MACROD2: variants seen among roughly 807,000 people sequenced by gnomAD.
MACROD2 encodes ADP-ribose glycohydrolase MACROD2.
In MACROD2, 36 loss-of-function variants were observed where a neutral mutation model predicts 70.4. The observed-to-expected ratio is 0.51, with a 90% CI of 0.39 to 0.68. The LOEUF (loss-of-function observed/expected upper bound fraction) is 0.68, where lower values mean the gene tolerates loss of function less well. MACROD2 is among the 30% of genes least tolerant of loss of function. The pLI is 0.00. For missense variants in MACROD2, 496 were observed against 538.4 expected (o/e 0.92, Z 0.78); for synonymous variants, 172 against 178.8 (o/e 0.96, Z 0.30).
At chr20:14,574,679 CAT>C (rs1392677531) in intron 4 of MACROD2, among the ~76,000 whole-genome samples, 3 of 150,890 alleles carry the variant, frequency 2.0e-5, no homozygotes, top group Non-Finnish European at 4.4e-5. Context: ...TATTATAAAA[CAT>C]ATGCAAAAAC....
chr20:15,387,927 T>TA (rs2045741462), intron 6 of MACROD2, among the ~76,000 whole-genome samples: 1 of 151,576 alleles, frequency 6.6e-6, no homozygotes, highest in African/African-American at 2.4e-5. Flanking sequence ...TTATTTATTT[T>TA]TTTTGTAGAG....
At chr20:14,626,708 G>A (rs1035597503) in intron 4 of MACROD2, among the ~76,000 whole-genome samples, 9 of 152,082 alleles carry the variant, frequency 5.9e-5, no homozygotes, top group South Asian at 2.1e-4. Flanking sequence ...CAAGGGTAAC[G>A]TATCCTCAGG....
chr20:14,722,784 CAAAAAG>C (rs2071485221), intron 5 of MACROD2, among the ~76,000 whole-genome samples: 1 of 152,036 alleles, frequency 6.6e-6, no homozygotes. Flanking sequence ...AAAACAAAAA[CAAAAAG>C]GTATTGTCTC....
intron 2 of MACROD2, among the ~76,000 whole-genome samples, chr20:14,003,922 T>C (rs1445371867): frequency 6.6e-6 from 1 of 152,152 alleles, no homozygotes; most frequent in Non-Finnish European, 1.5e-5. Flanking sequence ...CATGTTTGAG[T>C]CTCAGTAATT....
intron 5 of MACROD2, among the ~76,000 whole-genome samples, chr20:14,766,348 C>T (rs572403249): frequency 3.3e-5 from 5 of 152,066 alleles, no homozygotes; most frequent in Non-Finnish European, 7.3e-5. Context: ...TGCTCTGGCA[C>T]ACGGTTTTGA....
In MACROD2 at chr20:15,016,746, G is replaced by A. The variant is rs778187690; in HGVS notation, c.419-213194G>A. On this transcript the variant is annotated intron_variant, in intron 5 of 17. Transcript: ENST00000684519. ...CTGGGGAGGCCTCAGAATAATGGTG[G>A]GAGGCAAAACGCTTGTCTTACATGG... is the stretch of plus-strand genomic sequence containing the variant. Among the ~76,000 whole-genome samples the A allele has an allele frequency of 4.9e-4, 74 of 152,070 alleles. 1 individual carries two copies. Among genetic ancestry groups the A allele is most frequent in the Middle Eastern group, 3.2e-3 (1 of 314 alleles).
chr20:14,220,838 C>A (rs2081666616), intron 3 of MACROD2, among the ~76,000 whole-genome samples: 1 of 152,188 alleles, frequency 6.6e-6, no homozygotes. Flanking sequence ...TCTCCCTCTC[C>A]CACTTCCGCA....
intron 3 of MACROD2, among the ~76,000 whole-genome samples, chr20:14,390,741 C>G (rs1208027732): frequency 6.6e-6 from 1 of 152,080 alleles, no homozygotes; most frequent in Non-Finnish European, 1.5e-5. Flanking sequence ...AAAATTAACT[C>G]AAGAATGGAT....
intron 5 of MACROD2, among the ~76,000 whole-genome samples, chr20:14,700,045 A>T (rs1310839768): frequency 2.6e-5 from 4 of 151,728 alleles, no homozygotes; most frequent in African/African-American, 9.7e-5. Context: ...TTTAAAGTTT[A>T]AATCTAGAAG....
intron 3 of MACROD2, among the ~76,000 whole-genome samples, chr20:14,470,639 G>A (rs552051812): frequency 5.9e-5 from 9 of 152,268 alleles, no homozygotes; most frequent in South Asian, 2.1e-4. Flanking sequence ...GAGGAATCTA[G>A]AGAGGCAGTC....
chr20:15,674,988 T>G (rs1340692128), intron 8 of MACROD2, among the ~76,000 whole-genome samples: 1 of 152,154 alleles, frequency 6.6e-6, no homozygotes, highest in Non-Finnish European at 1.5e-5. Context: ...AAATGCAGGC[T>G]TATGCTGTTT....
intron 3 of MACROD2, among the ~76,000 whole-genome samples, chr20:14,152,353 C>G (rs188003743): frequency 6.6e-6 from 1 of 152,042 alleles, no homozygotes; most frequent in East Asian, 1.9e-4. Context: ...TTCTCTAGTG[C>G]TTTGAATAAA....
At chr20:15,458,300 C>T (rs774011859) in intron 7 of MACROD2, among the ~76,000 whole-genome samples, 34 of 152,204 alleles carry the variant, frequency 2.2e-4, no homozygotes, top group Admixed American at 1.1e-3. Context: ...TGGACTCCAC[C>T]TTTTTCTCCA....
At chr20:15,902,628 C>T (rs535943254) in intron 10 of MACROD2, among the ~76,000 whole-genome samples, 1 of 152,036 alleles carries the variant, frequency 6.6e-6, no homozygotes, top group Non-Finnish European at 1.5e-5. Context: ...TGCGCCCTCT[C>T]GGATCACTTG....
At chr20:14,060,469 A>C (rs2053679423) in intron 2 of MACROD2, among the ~76,000 whole-genome samples, 1 of 152,148 alleles carries the variant, frequency 6.6e-6, no homozygotes, top group Non-Finnish European at 1.5e-5. Context: ...CATAGGGGAC[A>C]CCTAGGTTTC....
intron 12 of MACROD2, 84 bp from the exon 13 acceptor site, chr20:15,967,469 C>A: frequency 9.1e-7 from 1 of 1,098,572 alleles, no homozygotes; most frequent in Non-Finnish European, 1.3e-6. Context: ...TTTCCTCAAA[C>A]ATAAATCTAT....
chr20:15,228,106 A>G (rs6110555), intron 5 of MACROD2, among the ~76,000 whole-genome samples: 17,559 of 152,104 alleles, frequency 0.12, 1,331 homozygotes, highest in African/African-American at 0.21. Context: ...AATATTTACT[A>G]TGGTACAGGA....
chr20:15,617,271 A>G (rs1410340743), intron 8 of MACROD2, among the ~76,000 whole-genome samples: 1 of 152,224 alleles, frequency 6.6e-6, no homozygotes, highest in African/African-American at 2.4e-5. Context: ...CACAACAGAC[A>G]TGATTAGATC....
chr20:14,877,479 C>G (rs1235124189), intron 5 of MACROD2, among the ~76,000 whole-genome samples: 2 of 152,012 alleles, frequency 1.3e-5, no homozygotes, highest in African/African-American at 2.4e-5. Context: ...CTAGGACTTT[C>G]AATACTATGT....
Sources: allele counts gnomAD v4.1 joint callset (sites outside exome capture counted in the v4.1 genomes callset), GRCh38; gene constraint gnomAD v4.1.1; transcripts MANE v1.5; gene names NCBI Gene and HGNC (gene_info 2026-07-23, HGNC 2026-07-21).